Variants in CRHR2 observed in about 807,000 individuals in gnomAD.
CRHR2 encodes the protein corticotropin releasing hormone receptor 2.
In CRHR2, 53 loss-of-function variants were observed where a neutral mutation model predicts 57.9. That is an observed-to-expected ratio of 0.92 (90% CI 0.73 to 1.15). The LOEUF (loss-of-function observed/expected upper bound fraction) is 1.15, where lower values mean the gene tolerates loss of function less well. Among genes scored for constraint, CRHR2 ranks in the 50% most tolerant of loss-of-function variants. The probability of loss-of-function intolerance (pLI) is 0.00; values close to 1 mark genes in which losing one functional copy is unlikely to be tolerated. For missense variants in CRHR2, 532 were observed against 542.6 expected (o/e 0.98, Z 0.19); for synonymous variants, 213 against 220.9 (o/e 0.96, Z 0.32).
intron 2 of CRHR2, among the ~76,000 whole-genome samples, chr7:30,681,692 G>A (rs1265553228): frequency 1.3e-5 from 2 of 152,228 alleles, no homozygotes; most frequent in Non-Finnish European, 2.9e-5. Context: ...CATGGAGCAC[G>A]GGAATTGTGG....
In CRHR2 at chr7:30,655,081, C is replaced by G. The variant is rs1197045620; in HGVS notation, c.1054-1G>C. 6.2e-7 allele frequency: 1 copy of G among 1,613,286 alleles called. No homozygotes were observed. ...AGTAGAAGACAGACACGAAGAAACC[C>G]TGGAAAGGAGGGAAAGGAGGGAGTG... is the stretch of plus-strand genomic sequence containing the variant. On this transcript the variant is annotated splice_acceptor_variant, in intron 10 of 11. Coordinates refer to ENST00000471646, the MANE Select transcript of CRHR2 (RefSeq NM_001883.5). LOFTEE classifies it high-confidence loss of function.
At chr7:30,660,770 A>T (rs1783969182) in intron 7 of CRHR2, 125 bp from the exon 8 acceptor site, 6 of 896,960 alleles carry the variant, frequency 6.7e-6, no homozygotes, top group Non-Finnish European at 1.0e-5. Flanking sequence ...GCCCCTTCCC[A>T]GAAAGCCTTG....
chr7:30,657,562 T>C (rs1322420109), intron 8 of CRHR2, among the ~76,000 whole-genome samples: 1 of 152,232 alleles, frequency 6.6e-6, no homozygotes, highest in Non-Finnish European at 1.5e-5. Context: ...CTTTTCTGAT[T>C]CTTCCGGACT....
chr7:30,697,339 G>T lies in CRHR2; in HGVS notation c.-261+2605C>A, dbSNP rs73296221. On this transcript the variant is annotated intron_variant, in intron 1 of 13. Transcript: ENST00000341843. Reference sequence around the variant, plus strand: ...AGCTCCAAGGAGCTGGACTTAGTCAGCAGGGGCTGAGAGGCTCCTGTGATC... The same window carrying T: ...AGCTCCAAGGAGCTGGACTTAGTCATCAGGGGCTGAGAGGCTCCTGTGATC... Among the ~76,000 whole-genome samples the T allele has an allele frequency of 5.1e-3, 772 of 152,322 alleles. 10 individuals are homozygous for T. Among genetic ancestry groups the T allele is most frequent in the African/African-American group, 0.017 (725 of 41,558 alleles).
rs41525053 is a variant in CRHR2, at chr7:30,653,799, T to G, written c.1096-199A>C. On this transcript the variant is annotated intron_variant, in intron 11 of 11. Transcript: ENST00000471646. This position sits in a 1 kb window ranked among gnomAD's most constrained non-coding sequence, Gnocchi z 5.0. ...TCCTTATCCTTTTCCTGGAGAAGCT[T>G]GACTCCACACCTCCTTTACTCCACA... 1.2e-3 allele frequency among the ~76,000 whole-genome samples: 182 copies of G among 152,256 alleles called. 4 individuals are homozygous for G. The highest frequency in any genetic ancestry group is 9.4e-4 in the Non-Finnish European group (64 of 68,012).
chr7:30,655,926 C>T lies in CRHR2; in HGVS notation c.917+1G>A. Reference sequence around the variant, plus strand: ...TGGGGTCAAGGGACCCCCTCACATACCTGTACTGGATTGTCTCGGATGTGG... The same window carrying T: ...TGGGGTCAAGGGACCCCCTCACATATCTGTACTGGATTGTCTCGGATGTGG... On this transcript the variant is annotated splice_donor_variant, in intron 9 of 11. Transcript: ENST00000471646. LOFTEE classifies it high-confidence loss of function. 1 of 1,613,970 alleles carries T rather than the reference C, an allele frequency of 6.2e-7. No homozygotes were observed. Among genetic ancestry groups the T allele is most frequent in the South Asian group, 1.1e-5 (1 of 91,076 alleles).
chr7:30,678,344 T>A (rs923953528), intron 2 of CRHR2, among the ~76,000 whole-genome samples: 1 of 152,158 alleles, frequency 6.6e-6, no homozygotes, highest in Non-Finnish European at 1.5e-5. Context: ...CACTCGATGG[T>A]GCAAGGATTA....
In CRHR2 at chr7:30,653,159, G is replaced by A; in HGVS notation, c.*301C>T. The A allele has an allele frequency of 2.8e-6, 1 of 361,022 alleles. No individual in the cohort carries two copies. Among genetic ancestry groups the A allele is most frequent in the Non-Finnish European group, 5.1e-6 (1 of 195,694 alleles). The allele number at this position is 361,022 out of a possible 1,614,324, so 22.4% of individuals were successfully genotyped here. On this transcript the variant is annotated 3_prime_UTR_variant, in exon 12 of 12. Coordinates refer to ENST00000471646, the MANE Select transcript of CRHR2 (RefSeq NM_001883.5). This position sits in a 1 kb window ranked among gnomAD's most constrained non-coding sequence, Gnocchi z 5.0. Reference sequence around the variant, plus strand: ...GTTGGACAGGTCCTTCTCTGCTCTGGGCCCAGTAAGGCCCTGGCCAGAGAG... The same window carrying A: ...GTTGGACAGGTCCTTCTCTGCTCTGAGCCCAGTAAGGCCCTGGCCAGAGAG...
chr7:30,689,044 C>G, intron 2 of CRHR2: 1 of 736,340 alleles, frequency 1.4e-6, no homozygotes, highest in East Asian at 2.7e-5. Flanking sequence ...GGGCCCTCAG[C>G]AAGGCAGAAA....
chr7:30,687,437 TA>T (rs1013259839), upstream of CRHR2, among the ~76,000 whole-genome samples: 24 of 144,580 alleles, frequency 1.7e-4, no homozygotes, highest in African/African-American at 2.8e-4. Context: ...ATTATCCCAT[TA>T]AAAAAAAAAG....
chr7:30,673,149 C>A (rs930624540), intron 2 of CRHR2, among the ~76,000 whole-genome samples: 1 of 152,150 alleles, frequency 6.6e-6, no homozygotes, highest in African/African-American at 2.4e-5. Flanking sequence ...CAGCCATCTT[C>A]TTGTCTGGCC....
chr7:30,655,763 G>A (rs1203931039), intron 9 of CRHR2, 48 bp from the exon 10 acceptor site: 1 of 1,598,236 alleles, frequency 6.3e-7, no homozygotes, highest in East Asian at 2.2e-5. Flanking sequence ...GGCAGGCAGG[G>A]CCTCACCCAG....
intron 11 of CRHR2, among the ~76,000 whole-genome samples, chr7:30,654,012 G>A (rs1358937225): frequency 2.0e-5 from 3 of 151,950 alleles, no homozygotes; most frequent in South Asian, 2.1e-4. Context: ...CACCTGGTGC[G>A]CCTCCTCCTC....
intron 2 of CRHR2, among the ~76,000 whole-genome samples, chr7:30,687,591 G>A (rs1426810591): frequency 1.3e-5 from 2 of 152,234 alleles, no homozygotes; most frequent in Middle Eastern, 3.4e-3. Flanking sequence ...AAATTTTTTT[G>A]TGCCCAATTT....
At chr7:30,683,459 C>A (rs1375400708), upstream of CRHR2, among the ~76,000 whole-genome samples, 2 of 152,138 alleles carry the variant, frequency 1.3e-5, no homozygotes, top group Non-Finnish European at 2.9e-5. Flanking sequence ...CCTTGGTGAT[C>A]TGCTGTGGCT....
At chr7:30,664,892 A>G (rs1341660629) in intron 5 of CRHR2, among the ~76,000 whole-genome samples, 178 bp downstream of exon 5, 1 of 151,790 alleles carries the variant, frequency 6.6e-6, no homozygotes, top group Admixed American at 6.6e-5. Flanking sequence ...GAGTTGCAGA[A>G]GTTCAACATT....
At chr7:30,683,975 GC>G (rs35889268), upstream of CRHR2, among the ~76,000 whole-genome samples, 8 of 152,160 alleles carry the variant, frequency 5.3e-5, no homozygotes, top group East Asian at 1.9e-4. Context: ...TGCTGTCACT[GC>G]CCAGGCAGAG....
rs781119300 is a variant in CRHR2 at position 30,655,618 on chromosome 7, T to C, written c.1015A>G (p.Met339Val). ...NPGEDDLSQIMFIYFNSFLQS... is the reference protein window; with the variant it reads ...NPGEDDLSQIVFIYFNSFLQS... ...AGGAAGGAGTTGAAATAGATGAACA[T>C]GATCTGTGACAGGTCGTCCTCCCCG... Residue 339 changes from methionine to valine, a missense_variant, in exon 10 of 12, where the codon ATG (methionine) becomes GTG (valine). Met to Val is a conservative substitution (Grantham distance 21, BLOSUM62 1). Transcript: ENST00000471646. The C allele has an allele frequency of 3.1e-6, 5 of 1,613,926 alleles. No homozygotes were observed. Among genetic ancestry groups the C allele is most frequent in the Non-Finnish European group, 1.7e-6 (2 of 1,179,952 alleles).
chr7:30,655,164 G>A lies in CRHR2; in HGVS notation c.1054-84C>T, dbSNP rs1445525699. Reference sequence around the variant, plus strand: ...GGTGGGGTGGCACTGGGGACAAGATGGTGGGGGGGGGACAATTTGACCCAG... The same window carrying A: ...GGTGGGGTGGCACTGGGGACAAGATAGTGGGGGGGGGACAATTTGACCCAG... On this transcript the variant is annotated intron_variant, in intron 10 of 11. Coordinates refer to ENST00000471646, the MANE Select transcript of CRHR2 (RefSeq NM_001883.5). 3.5e-6 allele frequency: 5 copies of A among 1,438,766 alleles called. No homozygotes were observed. The Admixed American group carries it at 9.8e-5, about 28-fold the overall frequency. The allele number at this position is 1,438,766 out of a possible 1,614,324, so 89.1% of individuals were successfully genotyped here. A position where few individuals can be genotyped will look rare whatever the true frequency, so the allele number is the denominator to read the frequency against.
Sources: gnomAD v4.1 joint callset for allele counts (sites outside exome capture counted in the v4.1 genomes callset) on GRCh38, gnomAD v4.1.1 for gene constraint, Gnocchi (gnomAD v3.1) non-coding constraint, MANE v1.5 for transcripts, NCBI Gene and HGNC (gene_info 2026-07-23, HGNC 2026-07-21) for gene names.